CHST10: variants seen among roughly 807,000 people sequenced by gnomAD.
CHST10 encodes the protein carbohydrate sulfotransferase 10.
CHST10 carries 24 observed loss-of-function variants against 34.7 expected under a neutral mutation model. The ratio of observed to expected loss-of-function variants is 0.69; its 90% CI spans 0.50 to 0.97. The LOEUF (loss-of-function observed/expected upper bound fraction) is 0.97. Ranked by LOEUF, CHST10 falls within the 50% of genes least tolerant of loss-of-function variation. CHST10 has a pLI of 0.00. For synonymous variants in CHST10, 161 were observed against 169.3 expected (o/e 0.95, Z 0.38); for missense variants, 402 against 452.1 (o/e 0.89, Z 1.00).
intron 2 of CHST10, 128 bp downstream of exon 2, chr2:100,414,913 C>T (rs866506814): frequency 8.3e-6 from 4 of 482,630 alleles, no homozygotes; most frequent in Non-Finnish European, 1.3e-5. Flanking sequence ...TTTAAGGAAA[C>T]GTTTCTAAGC....
At chr2:100,399,051 C>T (rs1177273618) in intron 4 of CHST10, among the ~76,000 whole-genome samples, 1 of 151,882 alleles carries the variant, frequency 6.6e-6, no homozygotes, top group African/African-American at 2.4e-5. Context: ...CTAGTTGTGG[C>T]CCTGTTTCTC....
Position 100,393,463 on chromosome 2 carries a change from T to C in CHST10, c.853A>G (p.Thr285Ala). The C allele has an allele frequency of 6.2e-7, 1 of 1,614,078 alleles. No individual in the cohort carries two copies. Among genetic ancestry groups the C allele is most frequent in the Non-Finnish European group, 8.5e-7 (1 of 1,180,024 alleles). ...IMYSVIGHHETLEDDAPYILK... is the reference protein window; with the variant it reads ...IMYSVIGHHEALEDDAPYILK... ...ATGTATGGGGCATCGTCCTCCAGGGTCTCGTGGTGTCCAATCACACTGTAC... is the reference window on the plus strand; with the variant it reads ...ATGTATGGGGCATCGTCCTCCAGGGCCTCGTGGTGTCCAATCACACTGTAC... Residue 285 changes from threonine (T) to alanine (A), a missense_variant, in exon 7 of 7, where the codon ACC becomes GCC. By Grantham distance (58) the Thr-to-Ala change is moderately conservative. Coordinates refer to ENST00000264249, the MANE Select transcript of CHST10 (RefSeq NM_004854.5).
Position 100,393,262 on chromosome 2 carries a change from C to G in CHST10, c.1054G>C (p.Asp352His), listed in dbSNP as rs1476535617. 1.2e-6 allele frequency: 2 copies of G among 1,614,092 alleles called. No individual in the cohort carries two copies. Among genetic ancestry groups the G allele is most frequent in the Non-Finnish European group, 8.5e-7 (1 of 1,180,012 alleles). The change falls in exon 7 of 7, where the codon GAC (aspartate) becomes CAC (histidine). Residue 352 changes from aspartate (D) to histidine (H), a missense_variant. By Grantham distance (81) the Asp-to-His change is moderately conservative. Coordinates refer to ENST00000264249, the MANE Select transcript of CHST10 (RefSeq NM_004854.5). ...CTTATGCATTAGTTTAGCAAAAAGT[C>G]TGGTTTCTGGTACCCAAAGAGCTTA... ...DFKLFGYQKP[D>H]FLLN
chr2:100,398,978 TGGAG>T (rs1675205532), intron 4 of CHST10, among the ~76,000 whole-genome samples: 1 of 152,176 alleles, frequency 6.6e-6, no homozygotes, highest in African/African-American at 2.4e-5. Context: ...CCTTGTTCTC[TGGAG>T]GCATCCTGAG....
chr2:100,409,415 T>C (rs1475338843), intron 2 of CHST10, among the ~76,000 whole-genome samples: 1 of 152,084 alleles, frequency 6.6e-6, no homozygotes, highest in Non-Finnish European at 1.5e-5. Context: ...AACTGAGAGG[T>C]GCACTCTCCT....
At chr2:100,395,346 G>A (rs1009240042) in intron 6 of CHST10, among the ~76,000 whole-genome samples, 163 bp downstream of exon 6, 7 of 152,152 alleles carry the variant, frequency 4.6e-5, no homozygotes, top group African/African-American at 7.2e-5. Context: ...TTGAGGCGCC[G>A]AATGGGGGGT....
chr2:100,403,708 T>G (rs1675440445), intron 3 of CHST10, among the ~76,000 whole-genome samples: 2 of 152,144 alleles, frequency 1.3e-5, no homozygotes. Context: ...TCCACGCACT[T>G]TCCAGGAAAT....
In CHST10 at chr2:100,392,527, G is replaced by GT. The variant is rs1362792157; in HGVS notation, c.*717dup. 1 of 152,368 alleles carries GT rather than the reference G, an allele frequency of 6.6e-6. No individual in the cohort carries two copies. Among genetic ancestry groups the GT allele is most frequent in the Admixed American group, 6.6e-5 (1 of 15,262 alleles). 9.4% of individuals were successfully genotyped at this position (152,368 alleles called of 1,614,324 possible). ...TCCCCTCCCCTCACCTTCTAAAATC[G>GT]TATGTCTTGTGCTGAATGAAATAGG... On this transcript the variant is annotated 3_prime_UTR_variant, in exon 7 of 7. Transcript: ENST00000264249.
chr2:100,399,413 C>A (rs1675234651), intron 4 of CHST10, among the ~76,000 whole-genome samples: 1 of 152,188 alleles, frequency 6.6e-6, no homozygotes, highest in South Asian at 2.1e-4. Context: ...CCATATCTAT[C>A]TCTTAAAGCT....
In CHST10 at chr2:100,398,084, C is replaced by G; in HGVS notation, c.251G>C (p.Arg84Pro). The G allele has an allele frequency of 6.2e-7, 1 of 1,614,102 alleles. No homozygotes were observed. Among genetic ancestry groups the G allele is most frequent in the Non-Finnish European group, 8.5e-7 (1 of 1,180,000 alleles). ...QLVQPLVYME[R>P]LELIRNVCRD... ...GCAGACGTTTCTGATGAGTTCCAGG[C>G]GCTCCATGTAGACCAGGGGCTGAAC... The change falls in exon 5 of 7, where the codon CGC (arginine) becomes CCC (proline). Residue 84 changes from arginine (R) to proline (P), a missense_variant. Coordinates refer to ENST00000264249, the MANE Select transcript of CHST10 (RefSeq NM_004854.5).
rs1675817387 is a variant in CHST10 at position 100,411,126 on chromosome 2, T to C, written c.-33+3915A>G. ...TAATAAGCATTTTTTCTTTTTTTTTTTTTTTTTTGAGGCAGTGTGTCTCTC... is the reference window on the plus strand; with the variant it reads ...TAATAAGCATTTTTTCTTTTTTTTTCTTTTTTTTGAGGCAGTGTGTCTCTC... On this transcript the variant is annotated intron_variant, in intron 2 of 6. Transcript: ENST00000264249. Among the ~76,000 whole-genome samples, 4 of 150,230 alleles carry C rather than the reference T, an allele frequency of 2.7e-5. 1 individual carries two copies. Among genetic ancestry groups the C allele is most frequent in the South Asian group, 2.1e-4 (1 of 4,750 alleles).
chr2:100,411,116 CT>C (rs66495740), intron 2 of CHST10, among the ~76,000 whole-genome samples: 11,663 of 128,904 alleles, frequency 0.09, 812 homozygotes, highest in African/African-American at 0.28. Context: ...AGCATTTTTT[CT>C]TTTTTTTTTT....
Position 100,393,021 on chromosome 2 carries a change from T to C in CHST10, c.*224A>G, listed in dbSNP as rs1345862790. 1.7e-6 allele frequency: 1 copy of C among 579,122 alleles called. No homozygotes were observed. Among genetic ancestry groups the C allele is most frequent in the Non-Finnish European group, 3.1e-6 (1 of 326,084 alleles). 35.9% of individuals were successfully genotyped at this position (579,122 alleles called of 1,614,324 possible). A position where few individuals can be genotyped will look rare whatever the true frequency, so the allele number is the denominator to read the frequency against. On this transcript the variant is annotated 3_prime_UTR_variant, in exon 7 of 7. Coordinates refer to ENST00000264249, the MANE Select transcript of CHST10 (RefSeq NM_004854.5). The stretch of plus-strand genomic sequence containing the variant: ...TGAGCAAAGGCCAGCGACATCCTAA[T>C]GCACGCAGGGGTGTGGGCAGGGTCC...
intron 3 of CHST10, 89 bp downstream of exon 3, chr2:100,406,487 G>T: frequency 6.6e-7 from 1 of 1,514,768 alleles, no homozygotes; most frequent in South Asian, 1.3e-5. Flanking sequence ...TTGACTCTGT[G>T]ACAGAAGTCA....
chr2:100,404,218 C>G (rs1462858206), intron 3 of CHST10, among the ~76,000 whole-genome samples: 2 of 152,184 alleles, frequency 1.3e-5, no homozygotes, highest in South Asian at 4.1e-4. Context: ...AGTGGGCCCA[C>G]AACAGAAGAT....
At chr2:100,404,745 T>C (rs1375317390) in intron 3 of CHST10, among the ~76,000 whole-genome samples, 1 of 152,228 alleles carries the variant, frequency 6.6e-6, no homozygotes, top group South Asian at 2.1e-4. Flanking sequence ...ACAAGTCTTA[T>C]TTAACTATTA....
intron 1 of CHST10, 107 bp downstream of exon 1, chr2:100,417,267 G>A (rs555742567): frequency 5.6e-6 from 2 of 358,400 alleles, no homozygotes; most frequent in Admixed American, 6.9e-5. Context: ...CCGGGATGTG[G>A]CTCGCCAGGA....
intron 5 of CHST10, among the ~76,000 whole-genome samples, chr2:100,396,615 A>C (rs1283126968): frequency 6.6e-6 from 1 of 152,176 alleles, no homozygotes. Context: ...GGATGGCTGT[A>C]AACTAGGCGT....
chr2:100,398,072 A>G lies in CHST10; in HGVS notation c.263T>C (p.Ile88Thr), dbSNP rs761061912. 15 of 1,614,012 alleles carry G rather than the reference A, an allele frequency of 9.3e-6. No individual in the cohort carries two copies. The highest frequency in any genetic ancestry group is 1.3e-5 in the Non-Finnish European group (15 of 1,180,034). Residue 88 changes from isoleucine to threonine, a missense_variant, in exon 5 of 7, where the codon ATC becomes ACC. Physicochemically the swap from Ile to Thr is moderately conservative, Grantham distance 89. Coordinates refer to ENST00000264249, the MANE Select transcript of CHST10 (RefSeq NM_004854.5). The part of the protein sequence containing the change: ...PLVYMERLEL[I>T]RNVCRDDALK... ...GGCATCATCCCTGCAGACGTTTCTGATGAGTTCCAGGCGCTCCATGTAGAC... is the reference window on the plus strand; with the variant it reads ...GGCATCATCCCTGCAGACGTTTCTGGTGAGTTCCAGGCGCTCCATGTAGAC...
Sources: gnomAD v4.1 joint callset for allele counts (sites outside exome capture counted in the v4.1 genomes callset) on GRCh38, gnomAD v4.1.1 for gene constraint, MANE v1.5 for transcripts, NCBI Gene and HGNC (gene_info 2026-07-23, HGNC 2026-07-21) for gene names.